Variants in SNED1 observed in about 807,000 individuals in gnomAD.
The protein encoded by SNED1 is sushi, nidogen and EGF-like domain-containing protein 1.
A neutral mutation model predicts 166.7 loss-of-function variants in SNED1; 81 were observed. The ratio of observed to expected loss-of-function variants is 0.49; its 90% CI spans 0.41 to 0.58. The LOEUF (loss-of-function observed/expected upper bound fraction) is 0.58, where lower values mean the gene tolerates loss of function less well. SNED1 is among the 20% of genes least tolerant of loss of function. The probability of loss-of-function intolerance (pLI) is 0.00; values close to 1 mark genes in which losing one functional copy is unlikely to be tolerated. For synonymous variants in SNED1, 762 were observed against 822.0 expected, an observed-to-expected ratio of 0.93 and a Z score of 1.25; for missense variants, 1,604 against 2,000.2, an observed-to-expected ratio of 0.80 and a Z score of 3.78.
chr2:241,052,090 C>T lies in SNED1; in HGVS notation c.1902C>T (p.Cys634=). 6.2e-7 allele frequency: 1 copy of T among 1,613,940 alleles called. No homozygotes were observed. The change falls in exon 14 of 32, where the codon TGC becomes TGT. Residue 634 remains cysteine (C), a synonymous_variant. Transcript: ENST00000310397. ...ASGPCHNGGT[C]FHYIGKYKCD... is the part of the protein sequence containing the mutation. ...GCCCCTGTCACAACGGCGGCACCTG[C>T]TTCCACTACATTGGCAAATACAAGT... is the stretch of plus-strand genomic sequence containing the variant.
rs2063879845 is a variant in SNED1, at chr2:241,090,540, G to A, written c.*2-1098G>A. 5 of 1,387,884 alleles carry A rather than the reference G, an allele frequency of 3.6e-6. No individual in the cohort carries two copies. In the South Asian group the frequency reaches 7.6e-5, roughly 21 times the overall value. The allele number at this position is 1,387,884 out of a possible 1,614,324, so 86.0% of individuals were successfully genotyped here. A position where few individuals can be genotyped will look rare whatever the true frequency, so the allele number is the denominator to read the frequency against. The stretch of plus-strand genomic sequence containing the variant: ...TTATGTACTCTACATAATTGTATGT[G>A]CTAGACTTCTATACACAGGGCAGTG... On this transcript the variant is annotated intron_variant, in intron 31 of 31. Coordinates refer to ENST00000310397, the MANE Select transcript of SNED1 (RefSeq NM_001080437.3).
At position 241,068,291 on chromosome 2, in the gene SNED1, G is replaced by A. The variant is rs982947403; in HGVS notation, c.3194+344G>A. On this transcript the variant is annotated intron_variant, in intron 22 of 31. Coordinates refer to ENST00000310397, the MANE Select transcript of SNED1 (RefSeq NM_001080437.3). This position sits in a 1 kb window ranked among gnomAD's most constrained non-coding sequence, Gnocchi z 5.3. ...CAGCGGCCAGCGAGGGTAGATGGTA[G>A]CAGCCCCGAGCTCTCCCAGGAGTCC... Among the ~76,000 whole-genome samples, 3 of 151,972 alleles carry A rather than the reference G, an allele frequency of 2.0e-5. No homozygotes were observed. The highest frequency in any genetic ancestry group is 2.9e-5 in the Non-Finnish European group (2 of 68,004).
chr2:241,039,256 C>A (rs994832255), intron 6 of SNED1, among the ~76,000 whole-genome samples: 2 of 152,184 alleles, frequency 1.3e-5, no homozygotes, highest in Non-Finnish European at 1.5e-5. Flanking sequence ...CATGTCCCAT[C>A]AGCCACCAAA....
At position 241,068,371 on chromosome 2, in the gene SNED1, G is replaced by A. The variant is rs541054281; in HGVS notation, c.3194+424G>A. On this transcript the variant is annotated intron_variant, in intron 22 of 31. Coordinates refer to ENST00000310397, the MANE Select transcript of SNED1 (RefSeq NM_001080437.3). The surrounding 1 kb of genome is among the most constrained non-coding windows in gnomAD (Gnocchi z 5.3). ...AGCGAGGGTAGATGGTAGCAGCCCC[G>A]AGCTCTCCCAGGAGTCCCACAGTGG... 1.4e-4 allele frequency among the ~76,000 whole-genome samples: 21 copies of A among 151,082 alleles called. No homozygotes were observed. Among genetic ancestry groups the A allele is most frequent in the East Asian group, 3.9e-4 (2 of 5,142 alleles).
intron 1 of SNED1, among the ~76,000 whole-genome samples, chr2:241,002,695 C>G (rs1422494934): frequency 6.6e-6 from 1 of 152,114 alleles, no homozygotes; most frequent in African/African-American, 2.4e-5. Context: ...ACGTCATGCC[C>G]AGTGCAGATG....
intron 1 of SNED1, among the ~76,000 whole-genome samples, chr2:241,021,146 A>C (rs948012505): frequency 6.6e-6 from 1 of 152,116 alleles, no homozygotes; most frequent in Non-Finnish European, 1.5e-5. Flanking sequence ...AAGAGTAGAG[A>C]GTGTCGCAGA....
At chr2:241,081,297 C>A (rs1356767909) in intron 27 of SNED1, among the ~76,000 whole-genome samples, 1 of 144,294 alleles carries the variant, frequency 6.9e-6, no homozygotes, top group Non-Finnish European at 1.5e-5. Context: ...CAGCAGAAAC[C>A]GTGTTCAGGG....
intron 4 of SNED1, among the ~76,000 whole-genome samples, chr2:241,036,026 C>T (rs1485532192): frequency 2.6e-5 from 2 of 78,234 alleles, no homozygotes; most frequent in Admixed American, 2.6e-4. Context: ...GGTGGAGGTG[C>T]GTCACGGGGT....
chr2:241,036,697 G>A lies in SNED1; in HGVS notation c.806-93G>A, dbSNP rs544793442. On this transcript the variant is annotated intron_variant, in intron 4 of 31. Transcript: ENST00000310397. Reference sequence around the variant, plus strand: ...GGGCACCCAGAGGCCGACCTTTTGGGTCAGGGGAGGGAAGGGAGATGCGGA... The same window carrying A: ...GGGCACCCAGAGGCCGACCTTTTGGATCAGGGGAGGGAAGGGAGATGCGGA... 57 of 1,547,538 alleles carry A rather than the reference G, an allele frequency of 3.7e-5. 1 individual carries two copies. The South Asian group carries it at 5.5e-4, about 15-fold the overall frequency.
At chr2:241,004,359 TAATTA>T (rs1156599214) in intron 1 of SNED1, among the ~76,000 whole-genome samples, 1 of 152,228 alleles carries the variant, frequency 6.6e-6, no homozygotes, top group Non-Finnish European at 1.5e-5. Flanking sequence ...CTCTTCCTTT[TAATTA>T]GAGTGTTTTA....
At chr2:241,056,576 T>G (rs2062045599) in intron 16 of SNED1, among the ~76,000 whole-genome samples, 1 of 130,920 alleles carries the variant, frequency 7.6e-6, no homozygotes, top group Non-Finnish European at 1.6e-5. Flanking sequence ...TCTGAATAAG[T>G]GAAATTTTTT....
intron 26 of SNED1, chr2:241,072,973 G>A: frequency 2.2e-6 from 1 of 454,464 alleles, no homozygotes; most frequent in Non-Finnish European, 3.9e-6. Flanking sequence ...AACCGCATCA[G>A]CCGTGAGGAT....
chr2:241,011,956 G>T (rs1176340657), intron 1 of SNED1, among the ~76,000 whole-genome samples: 1 of 152,236 alleles, frequency 6.6e-6, no homozygotes, highest in Non-Finnish European at 1.5e-5. Flanking sequence ...AGCGGGGAGG[G>T]CAGCAGCTCT....
chr2:241,082,391 AC>A, intron 29 of SNED1, 27 bp downstream of exon 29: 5 of 1,575,432 alleles, frequency 3.2e-6, no homozygotes, highest in Non-Finnish European at 4.4e-6. Flanking sequence ...CCTCCGCCTT[AC>A]CGCATTTGTC....
At chr2:241,060,755 C>T (rs2125163712) in intron 16 of SNED1, among the ~76,000 whole-genome samples, 1 of 151,986 alleles carries the variant, frequency 6.6e-6, no homozygotes, top group South Asian at 2.1e-4. Flanking sequence ...ATAGAGAGAC[C>T]CCCAACTCTA....
At chr2:241,021,811 G>T (rs935488343) in intron 1 of SNED1, among the ~76,000 whole-genome samples, 2 of 152,156 alleles carry the variant, frequency 1.3e-5, no homozygotes, top group African/African-American at 4.8e-5. Context: ...TTGCTGGTGT[G>T]TATATTAATT....
At chr2:241,062,262 C>T (rs969998184) in intron 16 of SNED1, among the ~76,000 whole-genome samples, 6 of 152,110 alleles carry the variant, frequency 3.9e-5, no homozygotes, top group African/African-American at 1.4e-4. Flanking sequence ...TTCTGGCTGC[C>T]GGGGTGGCTG....
At chr2:241,009,459 C>T (rs561781209) in intron 1 of SNED1, among the ~76,000 whole-genome samples, 11 of 152,164 alleles carry the variant, frequency 7.2e-5, no homozygotes, top group East Asian at 1.9e-4. Context: ...AAGGAGCAGG[C>T]GGCAGGAGCT....
At chr2:241,082,418 C>T in intron 29 of SNED1, 54 bp downstream of exon 29, 3 of 1,388,436 alleles carry the variant, frequency 2.2e-6, no homozygotes, top group Non-Finnish European at 3.1e-6. Context: ...TTCTTGACTC[C>T]TCAAAGTGCT....
Sources: allele counts gnomAD v4.1 joint callset (sites outside exome capture counted in the v4.1 genomes callset), GRCh38; gene constraint gnomAD v4.1.1; non-coding constraint Gnocchi (gnomAD v3.1); transcripts MANE v1.5; gene names NCBI Gene and HGNC (gene_info 2026-07-23, HGNC 2026-07-21).